The following AHCTF1 variants were observed in gnomAD, a reference collection of about 807,000 sequenced individuals.
AHCTF1 encodes protein ELYS.
Under a neutral mutation model 248.4 loss-of-function variants are expected in AHCTF1, and 24 were observed. The ratio of observed to expected loss-of-function variants is 0.10; its 90% CI spans 0.07 to 0.14. The LOEUF is 0.14. Ranked by LOEUF, AHCTF1 falls within the 10% of genes least tolerant of loss-of-function variation. The pLI, the probability that AHCTF1 is intolerant of heterozygous loss-of-function variation, is 1.00. For missense variants in AHCTF1, 2,206 were observed against 2,636.2 expected (o/e 0.84, Z 3.57); for synonymous variants, 786 against 929.8 (o/e 0.85, Z 2.81).
chr1:246,842,876 T>C, intron 34 of AHCTF1, 100 bp from the exon 35 acceptor site: 2 of 951,118 alleles, frequency 2.1e-6, no homozygotes, highest in South Asian at 1.7e-5. Context: ...CACTGATGAA[T>C]TCAAACTCGC....
Position 246,853,223 on chromosome 1 carries a change from C to T in AHCTF1, c.4431G>A (p.Arg1477=). ...AGTTCAGCGCTACTTCCTGGTTAAGCCTGCGCTCAGAGACAATAGGACCTT... is the reference window on the plus strand; with the variant it reads ...AGTTCAGCGCTACTTCCTGGTTAAGTCTGCGCTCAGAGACAATAGGACCTT... ...ISEGPIVSER[R]LNQEVALNLK... is the part of the protein sequence containing the mutation. The change falls in exon 32 of 36, where the codon AGG becomes AGA. Residue 1477 remains arginine (R), a synonymous_variant. Coordinates refer to ENST00000648844, the MANE Select transcript of AHCTF1 (RefSeq NM_001323342.2). The T allele has an allele frequency of 6.2e-7, 1 of 1,613,800 alleles. No homozygotes were observed. The highest frequency in any genetic ancestry group is 8.5e-7 in the Non-Finnish European group (1 of 1,179,884).
At chr1:246,904,286 T>A (rs921539775) in intron 6 of AHCTF1, among the ~76,000 whole-genome samples, 1 of 152,222 alleles carries the variant, frequency 6.6e-6, no homozygotes, top group African/African-American at 2.4e-5. Flanking sequence ...TAGCAAAGAC[T>A]GATTACTCAA....
chr1:246,900,106 G>A lies in AHCTF1; in HGVS notation c.1391C>T (p.Pro464Leu). 1 of 1,606,486 alleles carries A rather than the reference G, an allele frequency of 6.2e-7. No individual in the cohort carries two copies. Among genetic ancestry groups the A allele is most frequent in the Non-Finnish European group, 8.5e-7 (1 of 1,178,692 alleles). ...TGGATTAAAAAACTGCTCGGGAGGT[G>A]GATATGAAGGAGGGACTCCTCTATT... ...SLNRGVPPSYPPPEQFFNPST... is the reference protein window; with the variant it reads ...SLNRGVPPSYLPPEQFFNPST... Residue 464 changes from proline (P) to leucine (L), a missense_variant, in exon 10 of 36, where the codon CCA becomes CTA. Pro to Leu is a moderately conservative substitution (Grantham distance 98, BLOSUM62 -3). Coordinates refer to ENST00000648844, the MANE Select transcript of AHCTF1 (RefSeq NM_001323342.2).
intron 33 of AHCTF1, among the ~76,000 whole-genome samples, chr1:246,848,081 G>A (rs987415309): frequency 2.0e-5 from 3 of 152,046 alleles, no homozygotes; most frequent in South Asian, 2.1e-4. Flanking sequence ...TACCAAAATC[G>A]AAGATCCAAT....
chr1:246,872,546 G>A (rs1011528107), intron 24 of AHCTF1, among the ~76,000 whole-genome samples: 1 of 152,140 alleles, frequency 6.6e-6, no homozygotes, highest in Non-Finnish European at 1.5e-5. Flanking sequence ...CTTAGGGGGT[G>A]TCCTCTGCCT....
chr1:246,905,812 T>A (rs1665347182), intron 5 of AHCTF1, among the ~76,000 whole-genome samples, 155 bp from the exon 6 acceptor site: 1 of 152,082 alleles, frequency 6.6e-6, no homozygotes, highest in Non-Finnish European at 1.5e-5. Context: ...TCTGCAAAAA[T>A]ACACACGGCA....
intron 24 of AHCTF1, among the ~76,000 whole-genome samples, chr1:246,868,667 C>T (rs947629630): frequency 3.3e-5 from 5 of 151,356 alleles, no homozygotes; most frequent in African/African-American, 7.3e-5. Context: ...GGACATGTGC[C>T]TTCAACTGAA....
chr1:246,913,203 T>C, intron 4 of AHCTF1, 29 bp downstream of exon 4: 1 of 1,506,104 alleles, frequency 6.6e-7, no homozygotes, highest in Non-Finnish European at 8.9e-7. Flanking sequence ...AGGTGCTCCA[T>C]TTTTGGTTTC....
In AHCTF1 at chr1:246,862,006, T is replaced by C. The variant is rs1245869945; in HGVS notation, c.3688A>G (p.Arg1230Gly). 2 of 1,613,152 alleles carry C rather than the reference T, an allele frequency of 1.2e-6. No homozygotes were observed. The highest frequency in any genetic ancestry group is 1.1e-5 in the South Asian group (1 of 90,766). Residue 1230 changes from arginine to glycine, a missense_variant, in exon 28 of 36, where the codon AGA becomes GGA. Physicochemically the swap from Arg to Gly is moderately radical, Grantham distance 125 (BLOSUM62 -2). Coordinates refer to ENST00000648844, the MANE Select transcript of AHCTF1 (RefSeq NM_001323342.2). ...GRSPQRLKET[R>G]ISFVEEDVHP... ...ACATCTTCTTCCACAAATGAAATTC[T>C]AGTTTCTTTAAGTCGTTGAGGAGAC...
intron 26 of AHCTF1, 34 bp downstream of exon 26, chr1:246,867,210 T>A (rs1662041953): frequency 8.5e-7 from 1 of 1,178,236 alleles, no homozygotes; most frequent in East Asian, 2.5e-5. Flanking sequence ...TCATCTAACA[T>A]TGTGTCTCTA....
intron 1 of AHCTF1, among the ~76,000 whole-genome samples, chr1:246,921,511 G>A (rs181492771): frequency 2.6e-5 from 4 of 152,170 alleles, no homozygotes; most frequent in Non-Finnish European, 5.9e-5. Context: ...AGCACAAAGG[G>A]ATGAGTAGTT....
rs1272316621 is a variant in AHCTF1, at chr1:246,905,536, C to A, written c.881+5G>T. On this transcript the variant is annotated splice_donor_5th_base_variant and intron_variant, in intron 6 of 35. Coordinates refer to ENST00000648844, the MANE Select transcript of AHCTF1 (RefSeq NM_001323342.2). ...AAAACAAAACAAAGTTTGTATGAGA[C>A]CTACCTATCTTGTGTAGACTGAACA... 6.2e-7 allele frequency: 1 copy of A among 1,604,796 alleles called. No homozygotes were observed. The highest frequency in any genetic ancestry group is 1.1e-5 in the South Asian group (1 of 90,776).
rs1267327247 is a variant in AHCTF1 at position 246,840,987 on chromosome 1, T to C, written c.6620A>G (p.Lys2207Arg). 1.9e-6 allele frequency: 3 copies of C among 1,600,720 alleles called. No homozygotes were observed. In the African/African-American group the frequency reaches 4.1e-5, roughly 22 times the overall value. Residue 2207 changes from lysine to arginine, a missense_variant, in exon 36 of 36, where the codon AAA (lysine) becomes AGA (arginine). Physicochemically the swap from Lys to Arg is conservative, Grantham distance 26. Coordinates refer to ENST00000648844, the MANE Select transcript of AHCTF1 (RefSeq NM_001323342.2). ...GGGAGGAGGTGACCAAGCACTTTCTTTTTCTGTGTTTCTGAAAAAAAAAGA... is the reference window on the plus strand; with the variant it reads ...GGGAGGAGGTGACCAAGCACTTTCTCTTTCTGTGTTTCTGAAAAAAAAAGA... ...KTKQASKNTE[K>R]ESAWSPPPIE...
intron 25 of AHCTF1, 41 bp from the exon 26 acceptor site, chr1:246,867,392 G>T: frequency 2.3e-6 from 3 of 1,322,666 alleles, no homozygotes; most frequent in South Asian, 1.4e-5. Context: ...ATCACAAGGA[G>T]CACTGATAAC....
chr1:246,863,344 T>C (rs1183349992), intron 27 of AHCTF1, among the ~76,000 whole-genome samples: 1 of 151,006 alleles, frequency 6.6e-6, no homozygotes, highest in Non-Finnish European at 1.5e-5. Flanking sequence ...TCCAGAACAT[T>C]AGTCAAGGGG....
intron 1 of AHCTF1, among the ~76,000 whole-genome samples, chr1:246,920,163 A>AAAG: frequency 6.6e-6 from 1 of 150,438 alleles, no homozygotes; most frequent in East Asian, 1.9e-4. Context: ...AAAAAAAAAA[A>AAAG]AAAAAGAAAA....
intron 1 of AHCTF1, among the ~76,000 whole-genome samples, chr1:246,925,570 T>C (rs757581822): frequency 5.9e-5 from 9 of 152,168 alleles, no homozygotes; most frequent in Non-Finnish European, 1.2e-4. Flanking sequence ...CAGTAAGCTA[T>C]GATCAGGCCA....
At chr1:246,851,670 G>C (rs1257228506) in intron 32 of AHCTF1, among the ~76,000 whole-genome samples, 1 of 151,966 alleles carries the variant, frequency 6.6e-6, no homozygotes, top group Non-Finnish European at 1.5e-5. Flanking sequence ...AATTTAACTA[G>C]AAATTCTACA....
intron 1 of AHCTF1, among the ~76,000 whole-genome samples, chr1:246,923,825 C>T (rs1666747270): frequency 6.6e-6 from 1 of 152,116 alleles, no homozygotes; most frequent in African/African-American, 2.4e-5. Flanking sequence ...TTCTAACATC[C>T]TTCAGTGTGT....
Sources: allele counts gnomAD v4.1 joint callset (sites outside exome capture counted in the v4.1 genomes callset), GRCh38; gene constraint gnomAD v4.1.1; transcripts MANE v1.5; gene names NCBI Gene and HGNC (gene_info 2026-07-23, HGNC 2026-07-21).